PINX1: variants seen among roughly 807,000 people sequenced by gnomAD.
PINX1 encodes PIN2 (TERF1) interacting telomerase inhibitor 1.
PINX1 carries 34 observed loss-of-function variants against 25.4 expected under a neutral mutation model. That is an observed-to-expected ratio of 1.34 (90% CI 1.02 to 1.78). The LOEUF (loss-of-function observed/expected upper bound fraction) is 1.78, where lower values mean the gene tolerates loss of function less well. PINX1 is among the 40% of genes most tolerant of loss of function. The pLI is 0.00. For synonymous variants in PINX1, 197 were observed against 147.7 expected (o/e 1.33, Z -2.42); for missense variants, 592 against 404.9 (o/e 1.46, Z -3.97).
chr8:10,804,376 G>A (rs73662629), intron 6 of PINX1, among the ~76,000 whole-genome samples: 1 of 152,158 alleles, frequency 6.6e-6, no homozygotes, highest in African/African-American at 2.4e-5. Flanking sequence ...CAGCAGAGTG[G>A]GTGACACAGA....
chr8:10,791,560 C>T (rs890778026), intron 6 of PINX1, among the ~76,000 whole-genome samples: 1 of 152,200 alleles, frequency 6.6e-6, no homozygotes, highest in African/African-American at 2.4e-5. Flanking sequence ...ACTGTTGAAA[C>T]CTGCTTGTGA....
At chr8:10,793,129 T>C (rs913922243) in intron 6 of PINX1, among the ~76,000 whole-genome samples, 6 of 152,206 alleles carry the variant, frequency 3.9e-5, no homozygotes, top group African/African-American at 1.4e-4. Flanking sequence ...GACGAAAGCA[T>C]GATCTTCCGC....
chr8:10,770,148 G>A (rs1473072887), intron 6 of PINX1, among the ~76,000 whole-genome samples: 1 of 152,200 alleles, frequency 6.6e-6, no homozygotes, highest in Non-Finnish European at 1.5e-5. Context: ...TTCCACCCAG[G>A]CAAGAAGCCC....
At chr8:10,818,672 G>A (rs1241810714) in intron 6 of PINX1, among the ~76,000 whole-genome samples, 1 of 152,254 alleles carries the variant, frequency 6.6e-6, no homozygotes, top group South Asian at 2.1e-4. Context: ...TGAGCCCCAC[G>A]GGGCTGGGGA....
chr8:10,780,409 A>G (rs1170605688), intron 6 of PINX1, among the ~76,000 whole-genome samples: 1 of 152,146 alleles, frequency 6.6e-6, no homozygotes, highest in African/African-American at 2.4e-5. Flanking sequence ...TAAATTGTTG[A>G]GAGTTTTTAC....
At chr8:10,787,467 A>G (rs772111616) in intron 6 of PINX1, 5 of 177,834 alleles carry the variant, frequency 2.8e-5, no homozygotes, top group Non-Finnish European at 5.9e-5. Context: ...GGGCTCAAGC[A>G]ATCCCGCTTC....
At chr8:10,824,547 G>A (rs906266104) in intron 5 of PINX1, among the ~76,000 whole-genome samples, 2 of 152,156 alleles carry the variant, frequency 1.3e-5, no homozygotes, top group East Asian at 1.9e-4. Context: ...AAGGCACGAG[G>A]CACTCAGCGG....
chr8:10,820,020 T>C (rs1313674956), intron 6 of PINX1, among the ~76,000 whole-genome samples, 173 bp downstream of exon 6: 3 of 152,170 alleles, frequency 2.0e-5, no homozygotes, highest in Non-Finnish European at 2.9e-5. Flanking sequence ...TATAAAACAT[T>C]ATCTACCCAC....
At chr8:10,823,551 G>C (rs903758778) in intron 5 of PINX1, among the ~76,000 whole-genome samples, 5 of 151,978 alleles carry the variant, frequency 3.3e-5, no homozygotes, top group African/African-American at 7.3e-5. Flanking sequence ...AACCAAGCTG[G>C]AGTTGAGCCT....
intron 6 of PINX1, among the ~76,000 whole-genome samples, chr8:10,796,310 C>CG (rs1365473400): frequency 3.9e-5 from 6 of 151,970 alleles, no homozygotes; most frequent in South Asian, 4.2e-4. Flanking sequence ...ACAGGATCCC[C>CG]GGGGGGAAAT....
intron 6 of PINX1, chr8:10,771,058 C>T (rs1362569791): frequency 6.6e-6 from 1 of 152,198 alleles, no homozygotes; most frequent in Middle Eastern, 3.2e-3. Flanking sequence ...CTGTCATCAG[C>T]CTGTGCTGGG....
Position 10,766,069 on chromosome 8 carries a change from A to G in PINX1, c.472-153T>C, listed in dbSNP as rs368318571. Among the ~76,000 whole-genome samples the G allele has an allele frequency of 3.3e-5, 5 of 151,998 alleles. No individual in the cohort carries two copies. In the South Asian group the frequency reaches 6.2e-4, roughly 19 times the overall value. ...ACCCGGCACTTAGGAGACAAGGCTG[A>G]GTGACACGCTCCCTTTGGCCTCTCT... On this transcript the variant is annotated intron_variant, in intron 6 of 6. Coordinates refer to ENST00000314787, the MANE Select transcript of PINX1 (RefSeq NM_017884.6).
intron 1 of PINX1, among the ~76,000 whole-genome samples, chr8:10,838,213 A>C (rs929836463): frequency 2.0e-5 from 3 of 152,226 alleles, no homozygotes; most frequent in African/African-American, 7.2e-5. Flanking sequence ...AATTTGTCTA[A>C]GGTTTTTCTT....
chr8:10,765,967 C>T (rs1044359601), intron 6 of PINX1, 51 bp from the exon 7 acceptor site: 5 of 1,571,206 alleles, frequency 3.2e-6, no homozygotes, highest in Non-Finnish European at 4.3e-6. Flanking sequence ...CTGTTCATCC[C>T]TCACCGCACC....
At chr8:10,820,158 A>G (rs1197760254) in intron 6 of PINX1, 35 bp downstream of exon 6, 1 of 1,314,420 alleles carries the variant, frequency 7.6e-7, no homozygotes. Context: ...AGACAGTATT[A>G]AAGCGGAACA....
chr8:10,781,975 G>GTA (rs1801601103), intron 6 of PINX1, among the ~76,000 whole-genome samples: 1 of 152,158 alleles, frequency 6.6e-6, no homozygotes, highest in Non-Finnish European at 1.5e-5. Flanking sequence ...ACTGTGGTGT[G>GTA]TATGTATGTA....
chr8:10,808,676 A>C (rs929923425), intron 6 of PINX1, among the ~76,000 whole-genome samples: 2 of 152,250 alleles, frequency 1.3e-5, no homozygotes, highest in Non-Finnish European at 2.9e-5. Context: ...AATGTGGACC[A>C]GAAGCTGGAG....
chr8:10,820,664 G>A (rs1797840354), intron 5 of PINX1, among the ~76,000 whole-genome samples: 1 of 152,036 alleles, frequency 6.6e-6, no homozygotes, highest in African/African-American at 2.4e-5. Context: ...TTACTTAGAA[G>A]ATTACGAAAT....
chr8:10,791,524 G>C (rs577667518), intron 6 of PINX1, among the ~76,000 whole-genome samples: 1 of 152,310 alleles, frequency 6.6e-6, no homozygotes, highest in Admixed American at 6.5e-5. Flanking sequence ...ATGCCAGCTG[G>C]TAAACTCCAA....
Sources: gnomAD v4.1 joint callset for allele counts (sites outside exome capture counted in the v4.1 genomes callset) on GRCh38, gnomAD v4.1.1 for gene constraint, MANE v1.5 for transcripts, NCBI Gene and HGNC (gene_info 2026-07-23, HGNC 2026-07-21) for gene names.